The following GCC2 variants were observed in gnomAD, a reference collection of about 807,000 sequenced individuals.
GCC2 encodes GRIP and coiled-coil domain-containing protein 2.
GCC2 carries 120 observed loss-of-function variants against 210.6 expected under a neutral mutation model. The ratio of observed to expected loss-of-function variants is 0.57; its 90% CI spans 0.49 to 0.66. The LOEUF is 0.66. Ranked by LOEUF, GCC2 falls within the 30% of genes least tolerant of loss-of-function variation. The pLI is 0.00. For synonymous variants in GCC2, 703 were observed against 652.7 expected, an observed-to-expected ratio of 1.08 and a Z score of -1.17; for missense variants, 1,868 against 1,871.9, an observed-to-expected ratio of 1.00 and a Z score of 0.04.
chr2:108,485,814 A>G lies in GCC2; in HGVS notation c.3715-17A>G. On this transcript the variant is annotated splice_polypyrimidine_tract_variant and intron_variant, in intron 14 of 22. Transcript: ENST00000309863. Reference sequence around the variant, plus strand: ...AGTAACATTAAAAAAAATTTAACCAAGATTCTCATTCTATAGGAAACTGAT... The same window carrying G: ...AGTAACATTAAAAAAAATTTAACCAGGATTCTCATTCTATAGGAAACTGAT... 6.5e-7 allele frequency: 1 copy of G among 1,526,852 alleles called. No individual in the cohort carries two copies. Among genetic ancestry groups the G allele is most frequent in the Non-Finnish European group, 8.9e-7 (1 of 1,123,754 alleles). The allele number at this position is 1,526,852 out of a possible 1,614,324, so 94.6% of individuals were successfully genotyped here.
chr2:108,509,337 T>C lies in GCC2; in HGVS notation c.*1707T>C, dbSNP rs143276373. On this transcript the variant is annotated 3_prime_UTR_variant, in exon 23 of 23. Coordinates refer to ENST00000309863, the MANE Select transcript of GCC2 (RefSeq NM_181453.4). ...TACAAAAGGCATATTCTTTCATGGT[T>C]TCTGCAATGAGAGGAAGTGTAATGA... 0.03 allele frequency: 4,629 copies of C among 152,606 alleles called. 98 individuals are homozygous for C. Among genetic ancestry groups the C allele is most frequent in the Non-Finnish European group, 0.047 (3,167 of 68,018 alleles). The allele number at this position is 152,606 out of a possible 1,614,324, so 9.5% of individuals were successfully genotyped here. A position where few individuals can be genotyped will look rare whatever the true frequency, so the allele number is the denominator to read the frequency against.
rs766465172 is a variant in GCC2 at position 108,449,709 on chromosome 2, A to G, written c.63+20A>G. The G allele has an allele frequency of 5.0e-6, 8 of 1,604,734 alleles. No homozygotes were observed. The Admixed American group carries it at 1.2e-4, about 23-fold the overall frequency. The stretch of plus-strand genomic sequence containing the variant: ...TCTAAGGTGAAGAGAATACTTGAAT[A>G]GCGGGCTTCCTGAAGAGTGGAAGGG... On this transcript the variant is annotated intron_variant, in intron 2 of 22. Transcript: ENST00000309863.
In GCC2 at chr2:108,470,068, A is replaced by G. The variant is rs753586906; in HGVS notation, c.739A>G (p.Ile247Val). The change falls in exon 6 of 23, where the codon ATA becomes GTA. Residue 247 changes from isoleucine (I) to valine (V), a missense_variant. This residue lies in a region of GCC2 where 1,847 missense variants were observed against 1,765.2 expected (regional missense o/e 1.05). Coordinates refer to ENST00000309863, the MANE Select transcript of GCC2 (RefSeq NM_181453.4). Reference sequence around the variant, plus strand: ...GGAAGAGCTTTTACAGTTGAAAGCTATACACCAAGAAGAGGTGAAAGAGTT... The same window carrying G: ...GGAAGAGCTTTTACAGTTGAAAGCTGTACACCAAGAAGAGGTGAAAGAGTT... ...LQEELLQLKAIHQEEVKELMC... is the reference protein window; with the variant it reads ...LQEELLQLKAVHQEEVKELMC... 4.5e-5 allele frequency: 73 copies of G among 1,613,518 alleles called. No homozygotes were observed. The highest frequency in any genetic ancestry group is 3.3e-4 in the Admixed American group (20 of 59,996).
intron 9 of GCC2, among the ~76,000 whole-genome samples, chr2:108,476,769 A>AT (rs1681552105): frequency 6.6e-6 from 1 of 152,182 alleles, no homozygotes; most frequent in East Asian, 1.9e-4. Context: ...GAGGTCAACC[A>AT]AATAGACTGA....
Position 108,483,089 on chromosome 2 carries a change from G to A in GCC2, c.3373G>A (p.Glu1125Lys), listed in dbSNP as rs1166476755. The change falls in exon 12 of 23, where the codon GAA becomes AAA. Residue 1125 changes from glutamate (E) to lysine (K), a missense_variant. This residue lies in a region of GCC2 where 1,847 missense variants were observed against 1,765.2 expected (regional missense o/e 1.05). Transcript: ENST00000309863. The stretch of plus-strand genomic sequence containing the variant: ...ACATGCCACTACTGTAAATGAACTT[G>A]AAGAACTTCAGGTACAACTTCAAAA... ...KEHATTVNEL[E>K]ELQVQLQKQK... 1.3e-5 allele frequency: 21 copies of A among 1,586,234 alleles called. No homozygotes were observed. The highest frequency in any genetic ancestry group is 1.8e-5 in the Non-Finnish European group (21 of 1,155,020).
chr2:108,475,712 AAAAC>A, intron 8 of GCC2, 36 bp from the exon 9 acceptor site: 1 of 1,512,666 alleles, frequency 6.6e-7, no homozygotes, highest in South Asian at 1.2e-5. Context: ...CCATTAAAAA[AAAAC>A]AAAAACCTCT....
chr2:108,454,068 G>A (rs780852931), intron 4 of GCC2, among the ~76,000 whole-genome samples: 50 of 152,162 alleles, frequency 3.3e-4, no homozygotes, highest in Middle Eastern at 3.4e-3. Context: ...TCGGCTCACC[G>A]CAAGCTCCGC....
Position 108,475,664 on chromosome 2 carries a change from C to T in GCC2, c.2961+29C>T, listed in dbSNP as rs377000190. 1.4e-4 allele frequency: 207 copies of T among 1,458,914 alleles called. 1 individual carries two copies. Among genetic ancestry groups the T allele is most frequent in the Middle Eastern group, 3.6e-4 (2 of 5,562 alleles). The allele number at this position is 1,458,914 out of a possible 1,614,324, so 90.4% of individuals were successfully genotyped here. On this transcript the variant is annotated intron_variant, in intron 8 of 22. Transcript: ENST00000309863. Reference sequence around the variant, plus strand: ...AGCTGACTTTAAAAATGTAAGATTCCGGAATCTCACATTTTTAAAAATCAA... The same window carrying T: ...AGCTGACTTTAAAAATGTAAGATTCTGGAATCTCACATTTTTAAAAATCAA...
At chr2:108,498,844 G>A (rs912290999) in intron 21 of GCC2, among the ~76,000 whole-genome samples, 5 of 151,484 alleles carry the variant, frequency 3.3e-5, no homozygotes, top group Admixed American at 2.6e-4. Context: ...TAGGGGCAGG[G>A]GGTTAGTGGA....
intron 5 of GCC2, 43 bp downstream of exon 5, chr2:108,469,127 T>C (rs534605698): frequency 2.7e-5 from 30 of 1,123,038 alleles, no homozygotes; most frequent in Non-Finnish European, 3.5e-5. Context: ...TATTAACATA[T>C]AGTGTAGTCA....
At position 108,469,842 on chromosome 2, in the gene GCC2, A is replaced by G. The variant is rs773788157; in HGVS notation, c.513A>G (p.Lys171=). 1 of 1,613,038 alleles carries G rather than the reference A, an allele frequency of 6.2e-7. No homozygotes were observed. The highest frequency in any genetic ancestry group is 1.3e-5 in the African/African-American group (1 of 74,960). ...NTQLELSEQL[K]FQNNSEDNVK... ...AATTAGAACTTTCAGAACAACTTAAATTTCAGAACAACTCTGAAGATAATG... is the reference window on the plus strand; with the variant it reads ...AATTAGAACTTTCAGAACAACTTAAGTTTCAGAACAACTCTGAAGATAATG... Residue 171 remains lysine, a synonymous_variant, in exon 6 of 23, where the codon AAA becomes AAG. Transcript: ENST00000309863.
intron 4 of GCC2, among the ~76,000 whole-genome samples, chr2:108,452,877 A>G (rs1170925863): frequency 6.6e-6 from 1 of 151,950 alleles, no homozygotes; most frequent in Non-Finnish European, 1.5e-5. Context: ...TATTTTAAGT[A>G]GAGACGGGAT....
intron 4 of GCC2, 32 bp downstream of exon 4, chr2:108,452,498 A>G: frequency 1.6e-6 from 2 of 1,270,594 alleles, no homozygotes; most frequent in Non-Finnish European, 2.3e-6. Context: ...GTCTAAAGAG[A>G]AATAAAATTT....
At chr2:108,449,789 T>A in intron 2 of GCC2, 100 bp downstream of exon 2, 1 of 842,380 alleles carries the variant, frequency 1.2e-6, no homozygotes, top group Non-Finnish European at 1.9e-6. Context: ...TTTTTTTTTT[T>A]TTAATAGCCT....
In GCC2 at chr2:108,490,021, CTGT is replaced by C; in HGVS notation, c.4229+9_4229+11del. The C allele has an allele frequency of 6.3e-7, 1 of 1,597,202 alleles. No individual in the cohort carries two copies. Among genetic ancestry groups the C allele is most frequent in the Non-Finnish European group, 8.5e-7 (1 of 1,172,558 alleles). On this transcript the variant is annotated splice_region_variant and intron_variant, in intron 18 of 22. Transcript: ENST00000309863. ...AGGCGGAACTCCGGGAAAAGTAAGA[CTGT>C]TAGCAGCACTAACGCTGTACCAGAC... is the stretch of plus-strand genomic sequence containing the variant.
intron 7 of GCC2, among the ~76,000 whole-genome samples, chr2:108,474,544 A>G (rs536968321): frequency 6.6e-6 from 1 of 152,332 alleles, no homozygotes; most frequent in East Asian, 1.9e-4. Flanking sequence ...GAGCATATAT[A>G]GACAACTCTT....
In GCC2 at chr2:108,480,748, CAG is replaced by C. The variant is rs1199873640; in HGVS notation, c.3061-947_3061-946del. ...AGGAACAACAGACACTGGGGCCTAA[CAG>C]AAGGTGGAGGGGTAGGAGGAGGGAG... On this transcript the variant is annotated intron_variant, in intron 9 of 22. Transcript: ENST00000309863. 4.0e-5 allele frequency among the ~76,000 whole-genome samples: 4 copies of C among 99,248 alleles called. No homozygotes were observed. In the East Asian group the frequency reaches 4.2e-3, roughly 105 times the overall value. 65.1% of individuals were successfully genotyped at this position (99,248 alleles called of 152,430 possible). A position where few individuals can be genotyped will look rare whatever the true frequency, so the allele number is the denominator to read the frequency against.
In GCC2 at chr2:108,470,786, T is replaced by G. The variant is rs777375176; in HGVS notation, c.1457T>G (p.Ile486Ser). Residue 486 changes from isoleucine to serine, a missense_variant, in exon 6 of 23, where the codon ATT becomes AGT. Transcript: ENST00000309863. ...AILNYESLRE[I>S]MEILQTELGE... Reference sequence around the variant, plus strand: ...TTAAATTATGAGAGTTTACGAGAGATTATGGAAATTTTACAAACAGAACTG... The same window carrying G: ...TTAAATTATGAGAGTTTACGAGAGAGTATGGAAATTTTACAAACAGAACTG... The G allele has an allele frequency of 6.2e-7, 1 of 1,613,672 alleles. No individual in the cohort carries two copies. Among genetic ancestry groups the G allele is most frequent in the South Asian group, 1.1e-5 (1 of 91,008 alleles).
intron 4 of GCC2, among the ~76,000 whole-genome samples, chr2:108,455,276 C>T (rs1010016320): frequency 3.9e-5 from 6 of 152,108 alleles, no homozygotes; most frequent in Non-Finnish European, 8.8e-5. Context: ...CCCATCTCTA[C>T]TCAAAATACA....
Sources: allele counts gnomAD v4.1 joint callset (sites outside exome capture counted in the v4.1 genomes callset), GRCh38; gene constraint gnomAD v4.1.1; regional missense constraint gnomAD v4.1.1; transcripts MANE v1.5; gene names NCBI Gene and HGNC (gene_info 2026-07-23, HGNC 2026-07-21).